Variants in SERINC5 observed in about 807,000 individuals in gnomAD.
SERINC5 encodes the protein chromosome 5 open reading frame 12.
Under a neutral mutation model 63.1 loss-of-function variants are expected in SERINC5, and 41 were observed. The observed-to-expected ratio is 0.65, with a 90% CI of 0.51 to 0.84. The LOEUF is 0.84. Ranked by LOEUF, SERINC5 falls within the 40% of genes least tolerant of loss-of-function variation. SERINC5 has a pLI of 0.00. For missense variants in SERINC5, 523 were observed against 573.0 expected, an observed-to-expected ratio of 0.91 and a Z score of 0.89; for synonymous variants, 222 against 215.2, an observed-to-expected ratio of 1.03 and a Z score of -0.28.
chr5:80,188,935 TA>T (rs771014576), intron 2 of SERINC5, among the ~76,000 whole-genome samples: 27 of 152,080 alleles, frequency 1.8e-4, no homozygotes, highest in Non-Finnish European at 3.2e-4. Context: ...CTCAGAAAAA[TA>T]GATAAAAATT....
At chr5:80,233,263 TA>T (rs1751533949) in intron 1 of SERINC5, among the ~76,000 whole-genome samples, 1 of 152,106 alleles carries the variant, frequency 6.6e-6, no homozygotes. Context: ...CTATCTCTAC[TA>T]AAAATACAAA....
intron 8 of SERINC5, among the ~76,000 whole-genome samples, chr5:80,153,320 T>C (rs1050409436): frequency 6.6e-6 from 1 of 151,448 alleles, no homozygotes; most frequent in African/African-American, 2.4e-5. Context: ...TAGCCGGGCA[T>C]GGTGGGGGGC....
intron 2 of SERINC5, among the ~76,000 whole-genome samples, chr5:80,200,152 G>A (rs1056641013): frequency 2.7e-5 from 2 of 75,282 alleles, no homozygotes; most frequent in African/African-American, 1.0e-4. Context: ...AGCGAGACTC[G>A]TAATTTCTGC....
chr5:80,156,114 C>A (rs968333825), intron 8 of SERINC5, among the ~76,000 whole-genome samples: 6 of 152,072 alleles, frequency 3.9e-5, no homozygotes, highest in African/African-American at 1.2e-4. Flanking sequence ...AAGAGTGGAC[C>A]CCAGGCAATC....
Position 80,187,765 on chromosome 5 carries a change from G to A in SERINC5, c.196-9701C>T, listed in dbSNP as rs148729697. 3.3e-5 allele frequency among the ~76,000 whole-genome samples: 5 copies of A among 152,284 alleles called. No individual in the cohort carries two copies. The East Asian group carries it at 9.6e-4, about 29-fold the overall frequency. On this transcript the variant is annotated intron_variant, in intron 2 of 11. Coordinates refer to ENST00000507668, the MANE Select transcript of SERINC5 (RefSeq NM_001174072.3). ...AAAAGCATGCAAAGACTGAGAATGC[G>A]AGTTCACAGCTCCTCCTCCACCATG...
chr5:80,169,384 G>T lies in SERINC5; in HGVS notation c.714C>A (p.Gly238=). 2 of 1,613,970 alleles carry T rather than the reference G, an allele frequency of 1.2e-6. No individual in the cohort carries two copies. Among genetic ancestry groups the T allele is most frequent in the African/African-American group, 2.7e-5 (2 of 75,032 alleles). ...CTACCAATGATATAAGCAGGCACAG[G>T]CCTCCATTTACTCCCAGCAGAATTT... ...ENKILLGVNG[G]LCLLISLVAI... The change falls in exon 6 of 12, where the codon GGC becomes GGA. Residue 238 remains glycine, a synonymous_variant. Transcript: ENST00000507668.
rs746095168 is a variant in SERINC5, at chr5:80,174,980, C to G, written c.525G>C (p.Glu175Asp). The G allele has an allele frequency of 6.2e-7, 1 of 1,602,360 alleles. No homozygotes were observed. The highest frequency in any genetic ancestry group is 8.5e-7 in the Non-Finnish European group (1 of 1,174,286). Residue 175 changes from glutamate to aspartate, a missense_variant, in exon 5 of 12, where the codon GAG (glutamate) becomes GAC (aspartate). By Grantham distance (45) the Glu-to-Asp change is conservative. Coordinates refer to ENST00000507668, the MANE Select transcript of SERINC5 (RefSeq NM_001174072.3). ...AGTTCTTGTTCCACTTATGTGCAAA[C>G]TCCACGAGCAGGAGGAGCTGGATGC... ...FIGIQLLLLV[E>D]FAHKWNKNWT...
chr5:80,230,459 A>AAAAAAAAAAAAAAAAAG (rs70982042), intron 1 of SERINC5, among the ~76,000 whole-genome samples: 7 of 128,624 alleles, frequency 5.4e-5, no homozygotes, highest in African/African-American at 1.6e-4. Flanking sequence ...AAAAAAAAAA[A>AAAAAAAAAAAAAAAAAG]AAAGAAACCA....
intron 8 of SERINC5, among the ~76,000 whole-genome samples, chr5:80,156,125 T>C (rs1188669462): frequency 6.6e-6 from 1 of 152,220 alleles, no homozygotes; most frequent in Non-Finnish European, 1.5e-5. Context: ...CCAGGCAATC[T>C]TGGCCTTCTT....
chr5:80,154,648 T>C (rs1488476898), intron 8 of SERINC5, among the ~76,000 whole-genome samples: 1 of 151,898 alleles, frequency 6.6e-6, no homozygotes, highest in Non-Finnish European at 1.5e-5. Context: ...TCTTCCTTGA[T>C]TTCCCAACTT....
intron 1 of SERINC5, among the ~76,000 whole-genome samples, chr5:80,243,101 G>A (rs1418644598): frequency 6.6e-6 from 1 of 152,184 alleles, no homozygotes; most frequent in Non-Finnish European, 1.5e-5. Context: ...TGAGCAGCAG[G>A]ACCTAGAGAG....
intron 7 of SERINC5, among the ~76,000 whole-genome samples, chr5:80,166,157 C>T (rs1025340590): frequency 1.3e-5 from 2 of 152,172 alleles, no homozygotes; most frequent in African/African-American, 4.8e-5. Context: ...TTAAATTTGA[C>T]TATAGTCACC....
In SERINC5 at chr5:80,148,641, C is replaced by G. The variant is rs548213654; in HGVS notation, c.1054-1357G>C. On this transcript the variant is annotated intron_variant, in intron 9 of 11. Coordinates refer to ENST00000507668, the MANE Select transcript of SERINC5 (RefSeq NM_001174072.3). ...TGTGATCCCACCACTGCACTCCAGC[C>G]TGGGTGACAGAGTGAGGCCCTGTCT... 2.0e-5 allele frequency among the ~76,000 whole-genome samples: 3 copies of G among 151,128 alleles called. No individual in the cohort carries two copies. The South Asian group carries it at 6.3e-4, about 32-fold the overall frequency.
intron 2 of SERINC5, among the ~76,000 whole-genome samples, chr5:80,195,439 TAAC>T (rs1223652226): frequency 6.6e-6 from 1 of 152,182 alleles, no homozygotes; most frequent in African/African-American, 2.4e-5. Context: ...GTAGAACACT[TAAC>T]ACCACACGTA....
rs1561394606 is a variant in SERINC5 at position 80,174,405 on chromosome 5, A to AATAATAATAATAAT, written c.551+548_551+549insATTATTATTATTAT. On this transcript the variant is annotated intron_variant, in intron 5 of 11. Transcript: ENST00000507668. The stretch of plus-strand genomic sequence containing the variant: ...ATAATAATAATAATAATAATAATAA[A>AATAATAATAATAAT]AGAAAAAGAAAACAAAAGGGTACTG... Among the ~76,000 whole-genome samples the AATAATAATAATAAT allele has an allele frequency of 9.5e-5, 8 of 84,346 alleles. No homozygotes were observed. In the East Asian group the frequency reaches 2.3e-3, roughly 24 times the overall value. 55.3% of individuals were successfully genotyped at this position (84,346 alleles called of 152,430 possible). A position where few individuals can be genotyped will look rare whatever the true frequency, so the allele number is the denominator to read the frequency against.
In SERINC5 at chr5:80,155,857, G is replaced by T. The variant is rs1009895558; in HGVS notation, c.986+2979C>A. On this transcript the variant is annotated intron_variant, in intron 8 of 11. Coordinates refer to ENST00000507668, the MANE Select transcript of SERINC5 (RefSeq NM_001174072.3). ...TCTTTCACAGCAATGATTCCTGGGT[G>T]CAATGGAAGGAGGCTCTGGAGAGAA... 1.5e-4 allele frequency among the ~76,000 whole-genome samples: 23 copies of T among 152,170 alleles called. 1 individual carries two copies. Among genetic ancestry groups the T allele is most frequent in the Non-Finnish European group, 3.4e-4 (23 of 68,024 alleles).
intron 1 of SERINC5, among the ~76,000 whole-genome samples, chr5:80,234,266 GATCTGACAGTTTA>G (rs1382689197): frequency 6.6e-6 from 1 of 152,122 alleles, no homozygotes; most frequent in Non-Finnish European, 1.5e-5. Context: ...GACAAAGACT[GATCTGACAGTTTA>G]ATCTTAGCAC....
At chr5:80,153,981 C>T (rs1746352345) in intron 8 of SERINC5, among the ~76,000 whole-genome samples, 1 of 152,152 alleles carries the variant, frequency 6.6e-6, no homozygotes, top group Non-Finnish European at 1.5e-5. Context: ...CTCTAAATAA[C>T]ACGTCCAAAC....
intron 1 of SERINC5, among the ~76,000 whole-genome samples, chr5:80,251,500 C>G (rs796317478): frequency 7.9e-5 from 12 of 152,068 alleles, no homozygotes; most frequent in African/African-American, 2.9e-4. Context: ...GAGGCAGAGG[C>G]GGGCGGGTCA....
Sources: allele counts gnomAD v4.1 joint callset (sites outside exome capture counted in the v4.1 genomes callset), GRCh38; gene constraint gnomAD v4.1.1; transcripts MANE v1.5; gene names NCBI Gene and HGNC (gene_info 2026-07-23, HGNC 2026-07-21).